RIC1: variants seen among roughly 807,000 people sequenced by gnomAD.
The protein encoded by RIC1 is guanine nucleotide exchange factor subunit RIC1.
Under a neutral mutation model 169.0 loss-of-function variants are expected in RIC1, and 88 were observed. The observed-to-expected ratio is 0.52, with a 90% CI of 0.44 to 0.62. The LOEUF is 0.62. Among genes scored for constraint, RIC1 ranks in the 20% least tolerant of loss-of-function variants. The probability of loss-of-function intolerance (pLI) is 0.00; values close to 1 mark genes in which losing one functional copy is unlikely to be tolerated. For synonymous variants in RIC1, 790 were observed against 601.5 expected (o/e 1.31, Z -4.59); for missense variants, 1,877 against 1,725.5 (o/e 1.09, Z -1.56).
chr9:5,671,678 T>C (rs1820116700), intron 2 of RIC1, among the ~76,000 whole-genome samples: 1 of 152,206 alleles, frequency 6.6e-6, no homozygotes, highest in Non-Finnish European at 1.5e-5. Flanking sequence ...ATGGTTTAAG[T>C]TAATTTCTAA....
chr9:5,630,265 C>T (rs1434881810), intron 1 of RIC1, among the ~76,000 whole-genome samples: 1 of 152,204 alleles, frequency 6.6e-6, no homozygotes, highest in Non-Finnish European at 1.5e-5. Context: ...GGGATACTCC[C>T]TACTCTCTGC....
chr9:5,773,912 CT>C, intron 25 of RIC1, 45 bp from the exon 26 acceptor site: 1 of 1,498,236 alleles, frequency 6.7e-7, no homozygotes, highest in Non-Finnish European at 9.0e-7. Context: ...TCTACCAAAC[CT>C]TTTGAATTAT....
rs773798107 is a variant in RIC1 at position 5,753,518 on chromosome 9, A to C, written c.1492-18A>C. On this transcript the variant is annotated intron_variant, in intron 13 of 25. Transcript: ENST00000414202. ...TATAGGTTTGCAAGGAAAAGTTCTT[A>C]TTTTTTTTTTTAAACAGTTTTCAGC... 7 of 1,249,474 alleles carry C rather than the reference A, an allele frequency of 5.6e-6. No individual in the cohort carries two copies. In the Admixed American group the frequency reaches 8.9e-5, roughly 16 times the overall value. 77.4% of individuals were successfully genotyped at this position (1,249,474 alleles called of 1,614,324 possible).
chr9:5,730,375 C>T (rs992588448), intron 6 of RIC1, among the ~76,000 whole-genome samples: 1 of 152,108 alleles, frequency 6.6e-6, no homozygotes, highest in Non-Finnish European at 1.5e-5. Context: ...TTTAAGCCTA[C>T]AATGAACATG....
At chr9:5,691,786 A>G (rs150132359) in intron 3 of RIC1, among the ~76,000 whole-genome samples, 2 of 152,122 alleles carry the variant, frequency 1.3e-5, no homozygotes, top group African/African-American at 4.8e-5. Flanking sequence ...AGAAACAACA[A>G]TTTAACTCCA....
At chr9:5,762,684 T>C in intron 18 of RIC1, 24 bp downstream of exon 18, 1 of 1,608,302 alleles carries the variant, frequency 6.2e-7, no homozygotes, top group Non-Finnish European at 8.5e-7. Context: ...TAGTCATTTC[T>C]TTTCAAACAT....
At chr9:5,674,499 A>G (rs1043157217) in intron 2 of RIC1, among the ~76,000 whole-genome samples, 4 of 151,920 alleles carry the variant, frequency 2.6e-5, no homozygotes, top group African/African-American at 9.7e-5. Flanking sequence ...GATAATAAAA[A>G]CTCAGGACCC....
chr9:5,664,158 C>G (rs980650617), intron 2 of RIC1, among the ~76,000 whole-genome samples: 1 of 151,990 alleles, frequency 6.6e-6, no homozygotes, highest in Admixed American at 6.6e-5. Context: ...ACCTGTAATC[C>G]CAGCACTTTG....
intron 6 of RIC1, among the ~76,000 whole-genome samples, chr9:5,723,440 T>C (rs77097435): frequency 0.021 from 3,123 of 152,332 alleles, 49 homozygotes; most frequent in Non-Finnish European, 0.032. Flanking sequence ...TTAAGTTCTT[T>C]GTAGTTTCTG....
At chr9:5,652,048 G>A (rs1818833482) in intron 1 of RIC1, among the ~76,000 whole-genome samples, 1 of 152,042 alleles carries the variant, frequency 6.6e-6, no homozygotes, top group Non-Finnish European at 1.5e-5. Context: ...TTTATTTCTG[G>A]GCTATTTTGT....
At chr9:5,638,696 C>A (rs1355532134) in intron 1 of RIC1, among the ~76,000 whole-genome samples, 3 of 152,010 alleles carry the variant, frequency 2.0e-5, no homozygotes, top group Admixed American at 2.0e-4. Context: ...CCTTTCTTAT[C>A]TCTGATTTTA....
intron 12 of RIC1, among the ~76,000 whole-genome samples, chr9:5,749,548 T>G (rs1825597604): frequency 6.6e-6 from 1 of 152,102 alleles, no homozygotes; most frequent in South Asian, 2.1e-4. Flanking sequence ...TATGTATGCT[T>G]CTTGTATAGC....
At chr9:5,725,963 G>A (rs897206663) in intron 6 of RIC1, among the ~76,000 whole-genome samples, 3 of 150,648 alleles carry the variant, frequency 2.0e-5, no homozygotes, top group African/African-American at 7.3e-5. Context: ...TTGCTGAGGG[G>A]TACTTCCAAC....
chr9:5,666,176 T>G (rs1191065868), intron 2 of RIC1, among the ~76,000 whole-genome samples: 2 of 152,042 alleles, frequency 1.3e-5, no homozygotes, highest in South Asian at 4.1e-4. Flanking sequence ...TGGATTGAGG[T>G]CTCACGTAAA....
At chr9:5,683,794 C>T (rs1014899834) in intron 2 of RIC1, among the ~76,000 whole-genome samples, 7 of 152,184 alleles carry the variant, frequency 4.6e-5, no homozygotes, top group African/African-American at 7.2e-5. Context: ...TGGGCTCCAC[C>T]CAGTTCAACT....
chr9:5,640,046 G>C (rs1364982352), intron 1 of RIC1, among the ~76,000 whole-genome samples: 1 of 152,096 alleles, frequency 6.6e-6, no homozygotes, highest in African/African-American at 2.4e-5. Flanking sequence ...CTTTTGATTG[G>C]AGAGTTTGGT....
rs559735196 is a variant in RIC1 at position 5,643,054 on chromosome 9, C to G, written c.145-13529C>G. On this transcript the variant is annotated intron_variant, in intron 1 of 25. Coordinates refer to ENST00000414202, the MANE Select transcript of RIC1 (RefSeq NM_020829.4). ...GTGGCTCACACCTGTAACCTCAGCA[C>G]TTTTGGGGGCCTAGGTGGGAGGATC... 5.3e-5 allele frequency among the ~76,000 whole-genome samples: 8 copies of G among 152,098 alleles called. No homozygotes were observed. The South Asian group carries it at 1.2e-3, about 24-fold the overall frequency.
intron 3 of RIC1, among the ~76,000 whole-genome samples, chr9:5,705,695 C>T (rs568383566): frequency 4.7e-4 from 72 of 152,270 alleles, no homozygotes; most frequent in Middle Eastern, 3.4e-3. Flanking sequence ...GAGCAGCATT[C>T]TTGTCTCATG....
intron 1 of RIC1, among the ~76,000 whole-genome samples, chr9:5,641,659 C>A (rs1193300077): frequency 8.7e-5 from 10 of 115,228 alleles, no homozygotes; most frequent in Admixed American, 7.9e-4. Flanking sequence ...AGCCTGTCTC[C>A]AAGCCCACTA....
Sources: allele counts gnomAD v4.1 joint callset (sites outside exome capture counted in the v4.1 genomes callset), GRCh38; gene constraint gnomAD v4.1.1; transcripts MANE v1.5; gene names NCBI Gene and HGNC (gene_info 2026-07-23, HGNC 2026-07-21).